Variants in PCOLCE observed in about 807,000 individuals in gnomAD.
PCOLCE encodes the protein procollagen C-endopeptidase enhancer 1.
In PCOLCE, 33 loss-of-function variants were observed where a neutral mutation model predicts 47.2. That is an observed-to-expected ratio of 0.70 (90% CI 0.53 to 0.93). PCOLCE has a LOEUF of 0.93. PCOLCE is among the 40% of genes least tolerant of loss of function. The probability of loss-of-function intolerance (pLI) is 0.00; values close to 1 mark genes in which losing one functional copy is unlikely to be tolerated. For missense variants in PCOLCE, 584 were observed against 585.3 expected, an observed-to-expected ratio of 1.00 and a Z score of 0.02; for synonymous variants, 254 against 252.5, an observed-to-expected ratio of 1.01 and a Z score of -0.06.
intron 1 of PCOLCE, 190 bp downstream of exon 1, chr7:100,602,741 A>C (rs1584439557): frequency 1.7e-6 from 1 of 589,620 alleles, no homozygotes; most frequent in Non-Finnish European, 3.0e-6. Flanking sequence ...GCAGGCCACC[A>C]CTGCTCCCAT....
intron 1 of PCOLCE, chr7:100,603,211 G>C: frequency 4.5e-6 from 2 of 441,434 alleles, no homozygotes; most frequent in Non-Finnish European, 7.9e-6. Flanking sequence ...AGGGATGGTC[G>C]AGTTGCCAGG....
intron 1 of PCOLCE, chr7:100,603,118 G>A (rs1802642646): frequency 6.6e-6 from 2 of 303,288 alleles, no homozygotes; most frequent in African/African-American, 2.2e-5. Context: ...CTGCCAGGCA[G>A]AGTGAGGCGG....
In PCOLCE at chr7:100,608,100, C is replaced by T; in HGVS notation, c.1347C>T (p.Asp449=). 2 of 1,613,588 alleles carry T rather than the reference C, an allele frequency of 1.2e-6. No homozygotes were observed. The highest frequency in any genetic ancestry group is 1.1e-5 in the South Asian group (1 of 91,086). The change falls in exon 9 of 9, where the codon GAC becomes GAT. Residue 449 remains aspartate, a synonymous_variant. Coordinates refer to ENST00000223061, the MANE Select transcript of PCOLCE (RefSeq NM_002593.4). Reference sequence around the variant, plus strand: ...CTGTGCGGGCTGCTGCGTCCCAGGACTGAGACGCAGGCCAGCCCCGGCCCC... The same window carrying T: ...CTGTGCGGGCTGCTGCGTCCCAGGATTGAGACGCAGGCCAGCCCCGGCCCC... ...SQPVRAAASQ[D]
At chr7:100,606,229 T>C in intron 5 of PCOLCE, 187 bp from the exon 6 acceptor site, 2 of 573,226 alleles carry the variant, frequency 3.5e-6, no homozygotes, top group South Asian at 2.2e-5. Context: ...CTTGCGGGGC[T>C]GAGGCAGGAG....
intron 1 of PCOLCE, 43 bp downstream of exon 1, chr7:100,602,594 G>A: frequency 8.0e-7 from 1 of 1,253,182 alleles, no homozygotes; most frequent in Non-Finnish European, 1.2e-6. Flanking sequence ...GTGAACTTCA[G>A]ACCCCCGATT....
chr7:100,603,487 G>A lies in PCOLCE; in HGVS notation c.153G>A (p.Glu51=). 6.2e-7 allele frequency: 1 copy of A among 1,607,254 alleles called. No individual in the cohort carries two copies. Among genetic ancestry groups the A allele is most frequent in the South Asian group, 1.1e-5 (1 of 90,370 alleles). ...VKGESGYVAS[E]GFPNLYPPNK... ...GGGAATCAGGTTACGTGGCAAGTGA[G>A]GGGTTCCCCAACCTCTACCCCCCTA... Residue 51 remains glutamate (E), a synonymous_variant, in exon 2 of 9, where the codon GAG becomes GAA. Coordinates refer to ENST00000223061, the MANE Select transcript of PCOLCE (RefSeq NM_002593.4).
chr7:100,602,829 A>C (rs1802635849), intron 1 of PCOLCE: 1 of 500,858 alleles, frequency 2.0e-6, no homozygotes, highest in Non-Finnish European at 3.5e-6. Context: ...CCCAAGAGAG[A>C]GCCAAGCTCC....
chr7:100,604,297 C>G lies in PCOLCE; in HGVS notation c.463+80C>G, dbSNP rs1424775189. On this transcript the variant is annotated intron_variant, in intron 3 of 8. Coordinates refer to ENST00000223061, the MANE Select transcript of PCOLCE (RefSeq NM_002593.4). The surrounding 1 kb of genome is among the most constrained non-coding windows in gnomAD (Gnocchi z 6.4). ...GCCCCGCCCCCAGCCCTAACCTCCG[C>G]CCCGCCCACCCCGCGCCCCAGTGCC... The G allele has an allele frequency of 7.8e-7, 1 of 1,285,060 alleles. No individual in the cohort carries two copies. The highest frequency in any genetic ancestry group is 1.1e-6 in the Non-Finnish European group (1 of 939,190). 79.6% of individuals were successfully genotyped at this position (1,285,060 alleles called of 1,614,324 possible). A position where few individuals can be genotyped will look rare whatever the true frequency, so the allele number is the denominator to read the frequency against.
In PCOLCE at chr7:100,605,675, G is replaced by C; in HGVS notation, c.589-1G>C. Reference sequence around the variant, plus strand: ...CAGTCCCCGCCTCCGCCCGCCGCCAGGTCATCGCGCTGACCTTCGAGAAGT... The same window carrying C: ...CAGTCCCCGCCTCCGCCCGCCGCCACGTCATCGCGCTGACCTTCGAGAAGT... On this transcript the variant is annotated splice_acceptor_variant, in intron 4 of 8. Transcript: ENST00000223061. LOFTEE classifies it high-confidence loss of function. The surrounding 1 kb of genome is among the most constrained non-coding windows in gnomAD (Gnocchi z 6.1). 6.3e-7 allele frequency: 1 copy of C among 1,579,982 alleles called. No individual in the cohort carries two copies. Among genetic ancestry groups the C allele is most frequent in the African/African-American group, 1.3e-5 (1 of 74,264 alleles).
Position 100,605,943 on chromosome 7 carries a change from G to A in PCOLCE, c.725+131G>A. 1.9e-6 allele frequency: 2 copies of A among 1,048,922 alleles called. No homozygotes were observed. 65.0% of individuals were successfully genotyped at this position (1,048,922 alleles called of 1,614,324 possible). A position where few individuals can be genotyped will look rare whatever the true frequency, so the allele number is the denominator to read the frequency against. Reference sequence around the variant, plus strand: ...GGGCTCCAAACCGGCGAGGGGAGCAGGTTGGAGGCCAGGCAAAGAGGAGAT... The same window carrying A: ...GGGCTCCAAACCGGCGAGGGGAGCAAGTTGGAGGCCAGGCAAAGAGGAGAT... On this transcript the variant is annotated intron_variant, in intron 5 of 8. Coordinates refer to ENST00000223061, the MANE Select transcript of PCOLCE (RefSeq NM_002593.4). This position sits in a 1 kb window ranked among gnomAD's most constrained non-coding sequence, Gnocchi z 6.1.
intron 5 of PCOLCE, chr7:100,606,048 G>T: frequency 1.7e-6 from 1 of 578,820 alleles, no homozygotes. Flanking sequence ...AGGCCACCTG[G>T]CCAGGGGTAG....
Position 100,607,453 on chromosome 7 carries a change from T to C in PCOLCE, c.942T>C (p.Asp314=), listed in dbSNP as rs752048736. Residue 314 remains aspartate, a splice_region_variant and synonymous_variant, in exon 7 of 9, where the codon GAT becomes GAC. Coordinates refer to ENST00000223061, the MANE Select transcript of PCOLCE (RefSeq NM_002593.4). ...ACCCTCCACCCTCCTCCCTCCTAGA[T>C]GCACCCACCTGCCCAAAGCAGTGCC... ...EKTEESPSAP[D]APTCPKQCRR... is the part of the protein sequence containing the mutation. The C allele has an allele frequency of 9.3e-6, 15 of 1,613,854 alleles. No homozygotes were observed. The Admixed American group carries it at 2.5e-4, about 27-fold the overall frequency.
chr7:100,605,361 G>T lies in PCOLCE; in HGVS notation c.588+146G>T. 1.3e-6 allele frequency: 1 copy of T among 786,570 alleles called. No individual in the cohort carries two copies. The allele number at this position is 786,570 out of a possible 1,614,324, so 48.7% of individuals were successfully genotyped here. A position where few individuals can be genotyped will look rare whatever the true frequency, so the allele number is the denominator to read the frequency against. On this transcript the variant is annotated intron_variant, in intron 4 of 8. Coordinates refer to ENST00000223061, the MANE Select transcript of PCOLCE (RefSeq NM_002593.4). This position sits in a 1 kb window ranked among gnomAD's most constrained non-coding sequence, Gnocchi z 6.1. ...CCCAAAACAGCCCCAACCCCTGCAT[G>T]CACGCAAACAAAAATGTAAAAATTA...
Position 100,608,010 on chromosome 7 carries a change from TCTC to T in PCOLCE, c.1259_1261del (p.Leu420del). On this transcript the variant is annotated inframe_deletion, in exon 9 of 9. Coordinates refer to ENST00000223061, the MANE Select transcript of PCOLCE (RefSeq NM_002593.4). ...TCCTTCCTCCAGAGAGCTTTGTGGTTCTCCACCGGCCCAACCAGGACCAGATCC... is the reference window on the plus strand; with the variant it reads ...TCCTTCCTCCAGAGAGCTTTGTGGTTCACCGGCCCAACCAGGACCAGATCC... The T allele has an allele frequency of 6.2e-7, 1 of 1,614,016 alleles. No homozygotes were observed. Among genetic ancestry groups the T allele is most frequent in the Non-Finnish European group, 8.5e-7 (1 of 1,179,970 alleles).
intron 8 of PCOLCE, 52 bp downstream of exon 8, chr7:100,607,859 T>C: frequency 2.5e-6 from 4 of 1,612,280 alleles, no homozygotes; most frequent in Non-Finnish European, 2.5e-6. Context: ...CACACAGAAA[T>C]GATCAAGGTG....
In PCOLCE at chr7:100,605,309, C is replaced by T; in HGVS notation, c.588+94C>T. ...GATTTATTGAAGATCTGCTGTGTCC[C>T]GAGCACTGCGCTTGCGCTGGTGGGC... On this transcript the variant is annotated intron_variant, in intron 4 of 8. Transcript: ENST00000223061. The surrounding 1 kb of genome is among the most constrained non-coding windows in gnomAD (Gnocchi z 6.1). The T allele has an allele frequency of 7.6e-7, 1 of 1,309,020 alleles. No individual in the cohort carries two copies. The highest frequency in any genetic ancestry group is 1.0e-6 in the Non-Finnish European group (1 of 952,780). 81.1% of individuals were successfully genotyped at this position (1,309,020 alleles called of 1,614,324 possible).
chr7:100,602,427 T>G lies in PCOLCE; in HGVS notation c.-30T>G. 1.4e-5 allele frequency: 21 copies of G among 1,455,754 alleles called. No individual in the cohort carries two copies. The highest frequency in any genetic ancestry group is 1.8e-5 in the Non-Finnish European group (19 of 1,038,672). 90.2% of individuals were successfully genotyped at this position (1,455,754 alleles called of 1,614,324 possible). ...CAAAATTCAGCTGCTGCCTCTGTCT[T>G]GAGGACCCCAGCGCCTTTCCCCCGG... On this transcript the variant is annotated 5_prime_UTR_variant, in exon 1 of 9. Coordinates refer to ENST00000223061, the MANE Select transcript of PCOLCE (RefSeq NM_002593.4).
Position 100,606,611 on chromosome 7 carries a change from G to C in PCOLCE, c.921G>C (p.Glu307Asp). ...AGTCCCAACCTCCGGAGAAAACAGA[G>C]GAATCTCCTTCAGCCCCTGGTGAGT... is the stretch of plus-strand genomic sequence containing the variant. ...PPKSQPPEKTEESPSAPDAPT... is the reference protein window; with the variant it reads ...PPKSQPPEKTDESPSAPDAPT... The change falls in exon 6 of 9, where the codon GAG (glutamate) becomes GAC (aspartate). Residue 307 changes from glutamate to aspartate, a missense_variant. Physicochemically the swap from Glu to Asp is conservative, Grantham distance 45 (BLOSUM62 2). Transcript: ENST00000223061. The C allele has an allele frequency of 1.9e-6, 3 of 1,610,998 alleles. No individual in the cohort carries two copies. Among genetic ancestry groups the C allele is most frequent in the Non-Finnish European group, 2.5e-6 (3 of 1,177,594 alleles).
At chr7:100,603,608 C>A in intron 2 of PCOLCE, 70 bp downstream of exon 2, 9 of 110,054 alleles carry the variant, frequency 8.2e-5, no homozygotes, top group South Asian at 7.0e-4. Flanking sequence ...TGCGAAGGGA[C>A]CCCCCCCCCG....
Sources: gnomAD v4.1 joint callset for allele counts on GRCh38, gnomAD v4.1.1 for gene constraint, Gnocchi (gnomAD v3.1) non-coding constraint, MANE v1.5 for transcripts, NCBI Gene and HGNC (gene_info 2026-07-23, HGNC 2026-07-21) for gene names.